Variants in KPNA1 observed in about 807,000 individuals in gnomAD.
The protein encoded by KPNA1 is importin subunit alpha-5.
KPNA1 carries 10 observed loss-of-function variants against 70.5 expected under a neutral mutation model. The observed-to-expected ratio is 0.14, with a 90% CI of 0.09 to 0.24. KPNA1 has a LOEUF of 0.24. KPNA1 is among the 10% of genes least tolerant of loss of function. The pLI is 1.00. For missense variants in KPNA1, 397 were observed against 637.9 expected (o/e 0.62, Z 4.07); for synonymous variants, 192 against 221.9 (o/e 0.87, Z 1.20).
intron 1 of KPNA1, among the ~76,000 whole-genome samples, chr3:122,513,492 T>C (rs1275447447): frequency 6.6e-6 from 1 of 152,184 alleles, no homozygotes; most frequent in East Asian, 1.9e-4. Context: ...TTCAAAATAT[T>C]ACAAATGCAA....
Position 122,464,192 on chromosome 3 carries a change from G to A in KPNA1, c.238-151C>T, listed in dbSNP as rs182775127. 1.6e-3 allele frequency: 670 copies of A among 421,244 alleles called. 5 individuals are homozygous for A. Among genetic ancestry groups the A allele is most frequent in the Middle Eastern group, 6.8e-3 (12 of 1,760 alleles). The allele number at this position is 421,244 out of a possible 1,614,324, so 26.1% of individuals were successfully genotyped here. A position where few individuals can be genotyped will look rare whatever the true frequency, so the allele number is the denominator to read the frequency against. On this transcript the variant is annotated intron_variant, in intron 3 of 13. Transcript: ENST00000344337. ...GGACAATCTTTACATATAGAAACGT[G>A]TAAGATTATTAATAATATAATGAAG... is the stretch of plus-strand genomic sequence containing the variant.
At chr3:122,502,391 G>A (rs1418773905) in intron 1 of KPNA1, among the ~76,000 whole-genome samples, 4 of 152,190 alleles carry the variant, frequency 2.6e-5, no homozygotes, top group Non-Finnish European at 5.9e-5. Context: ...GACTGGTGTC[G>A]TTATAACAGA....
rs1003378023 is a variant in KPNA1, at chr3:122,427,803, T to C, written c.1251-87A>G. 8.8e-6 allele frequency: 7 copies of C among 794,256 alleles called. No homozygotes were observed. The African/African-American group carries it at 1.2e-4, about 14-fold the overall frequency. The allele number at this position is 794,256 out of a possible 1,614,324, so 49.2% of individuals were successfully genotyped here. ...GTGAGCAAGTCATCCTCAACTTCAC[T>C]GCAGAGACTTAAAAAAAAAAACAAA... On this transcript the variant is annotated intron_variant, in intron 12 of 13. Transcript: ENST00000344337.
intron 12 of KPNA1, among the ~76,000 whole-genome samples, chr3:122,428,306 ATTTT>A (rs1483002509): frequency 6.6e-6 from 1 of 152,218 alleles, no homozygotes; most frequent in East Asian, 1.9e-4. Flanking sequence ...TAGTCATGTC[ATTTT>A]TTATCATTCT....
intron 2 of KPNA1, 82 bp downstream of exon 2, chr3:122,496,355 C>G (rs1463812795): frequency 4.4e-5 from 58 of 1,325,432 alleles, no homozygotes; most frequent in Non-Finnish European, 5.7e-5. Context: ...CACACCCCAA[C>G]TTTGCTAAAA....
At chr3:122,447,193 CAA>C (rs887657833) in intron 9 of KPNA1, among the ~76,000 whole-genome samples, 3 of 152,120 alleles carry the variant, frequency 2.0e-5, no homozygotes, top group Non-Finnish European at 4.4e-5. Context: ...ATCCTGATAC[CAA>C]AGCCTGGCAA....
chr3:122,458,809 C>A lies in KPNA1; in HGVS notation c.432+2415G>T, dbSNP rs1034095228. Among the ~76,000 whole-genome samples the A allele has an allele frequency of 3.3e-5, 5 of 152,122 alleles. No individual in the cohort carries two copies. The South Asian group carries it at 1.0e-3, about 32-fold the overall frequency. On this transcript the variant is annotated intron_variant, in intron 5 of 13. Transcript: ENST00000344337. ...AGTCTCCTGGCTTTAAGGTCTCTCTCGATATATTTGCCCCCTTGCTTCTGA... is the reference window on the plus strand; with the variant it reads ...AGTCTCCTGGCTTTAAGGTCTCTCTAGATATATTTGCCCCCTTGCTTCTGA...
chr3:122,509,881 G>A (rs2076936603), intron 1 of KPNA1, among the ~76,000 whole-genome samples: 1 of 152,046 alleles, frequency 6.6e-6, no homozygotes, highest in Non-Finnish European at 1.5e-5. Flanking sequence ...AGCTTATAAA[G>A]GTCCATGGAA....
intron 4 of KPNA1, among the ~76,000 whole-genome samples, chr3:122,462,090 T>C (rs576017160): frequency 6.6e-6 from 1 of 152,338 alleles, no homozygotes; most frequent in East Asian, 1.9e-4. Context: ...GTCATTTACC[T>C]GGTTGAACAT....
chr3:122,502,632 G>C (rs2076841744), intron 1 of KPNA1, among the ~76,000 whole-genome samples: 1 of 152,140 alleles, frequency 6.6e-6, no homozygotes, highest in Non-Finnish European at 1.5e-5. Context: ...GTGGAAATCT[G>C]GCAGAAACTT....
intron 2 of KPNA1, among the ~76,000 whole-genome samples, chr3:122,471,451 C>T (rs1027701581): frequency 2.0e-5 from 3 of 151,980 alleles, no homozygotes; most frequent in African/African-American, 7.3e-5. Context: ...AAACAAGAAC[C>T]GACTGGATGT....
Position 122,449,716 on chromosome 3 carries a change from G to A in KPNA1, c.775C>T (p.Leu259Phe). ...FAKVSPCLNV[L>F]SWLLFVSDTD... ...TCACTGACAAACAGCAACCAGGAAA[G>A]CACATTCAGACATGGAGAAACCTGT... The change falls in exon 9 of 14, where the codon CTT becomes TTT. Residue 259 changes from leucine to phenylalanine, a missense_variant. Leu to Phe is a conservative substitution (Grantham distance 22). Coordinates refer to ENST00000344337, the MANE Select transcript of KPNA1 (RefSeq NM_002264.4). The A allele has an allele frequency of 1.2e-6, 2 of 1,612,168 alleles. No homozygotes were observed. The highest frequency in any genetic ancestry group is 2.2e-5 in the South Asian group (2 of 90,608).
At chr3:122,429,853 A>C (rs2075877318) in intron 12 of KPNA1, among the ~76,000 whole-genome samples, 1 of 152,190 alleles carries the variant, frequency 6.6e-6, no homozygotes, top group East Asian at 1.9e-4. Flanking sequence ...CAGTGGAACA[A>C]AATAGAGGGC....
chr3:122,446,105 C>A (rs945335629), intron 9 of KPNA1, among the ~76,000 whole-genome samples: 3 of 152,142 alleles, frequency 2.0e-5, no homozygotes, highest in Non-Finnish European at 4.4e-5. Flanking sequence ...CAATATTAGA[C>A]AGATCAACAC....
chr3:122,446,872 T>A (rs1186586649), intron 9 of KPNA1, among the ~76,000 whole-genome samples: 2 of 152,134 alleles, frequency 1.3e-5, no homozygotes, highest in Non-Finnish European at 2.9e-5. Context: ...CAAACTACCA[T>A]CAGAGAATAC....
intron 1 of KPNA1, among the ~76,000 whole-genome samples, chr3:122,511,425 T>C (rs956558159): frequency 6.6e-6 from 1 of 152,246 alleles, no homozygotes; most frequent in African/African-American, 2.4e-5. Flanking sequence ...CTGCCTGCTT[T>C]CAAGAACTGT....
At chr3:122,445,953 A>G (rs1419419476) in intron 9 of KPNA1, among the ~76,000 whole-genome samples, 3 of 152,248 alleles carry the variant, frequency 2.0e-5, no homozygotes, top group Non-Finnish European at 4.4e-5. Flanking sequence ...AAAGGGATCA[A>G]TTCAACAAGA....
chr3:122,513,608 A>T (rs1298373623), intron 1 of KPNA1, among the ~76,000 whole-genome samples: 1 of 152,104 alleles, frequency 6.6e-6, no homozygotes, highest in Non-Finnish European at 1.5e-5. Context: ...GTTCCAGATC[A>T]GCCCGGGAAA....
intron 5 of KPNA1, chr3:122,457,839 C>A: frequency 3.9e-6 from 5 of 1,289,512 alleles, no homozygotes; most frequent in Non-Finnish European, 5.1e-6. Context: ...CTAGCAAATG[C>A]CAGGCTCACC....
Sources: allele counts gnomAD v4.1 joint callset (sites outside exome capture counted in the v4.1 genomes callset), GRCh38; gene constraint gnomAD v4.1.1; transcripts MANE v1.5; gene names NCBI Gene and HGNC (gene_info 2026-07-23, HGNC 2026-07-21).